The following NINL variants were observed in gnomAD, a reference collection of about 807,000 sequenced individuals.
NINL encodes the protein ninein-like protein.
A neutral mutation model predicts 160.3 loss-of-function variants in NINL; 153 were observed. That is an observed-to-expected ratio of 0.95 (90% CI 0.84 to 1.09). The LOEUF (loss-of-function observed/expected upper bound fraction) is 1.09. Ranked by LOEUF, NINL falls within the 50% of genes least tolerant of loss-of-function variation. The probability of loss-of-function intolerance (pLI) is 0.00; values close to 1 mark genes in which losing one functional copy is unlikely to be tolerated. For missense variants in NINL, 1,829 were observed against 1,764.0 expected, an observed-to-expected ratio of 1.04 and a Z score of -0.66; for synonymous variants, 800 against 734.8, an observed-to-expected ratio of 1.09 and a Z score of -1.43.
chr20:25,541,534 T>C (rs2064661943), intron 1 of NINL, among the ~76,000 whole-genome samples: 1 of 152,278 alleles, frequency 6.6e-6, no homozygotes, highest in Non-Finnish European at 1.5e-5. Flanking sequence ...CACATACTTA[T>C]ATTCATGCTA....
intron 1 of NINL, among the ~76,000 whole-genome samples, chr20:25,545,208 T>C (rs1291821535): frequency 6.6e-6 from 1 of 152,218 alleles, no homozygotes; most frequent in Non-Finnish European, 1.5e-5. Flanking sequence ...CTTGAGCTGG[T>C]GCCCAGTAAA....
intron 1 of NINL, among the ~76,000 whole-genome samples, chr20:25,537,045 G>A (rs1488034137): frequency 6.6e-6 from 1 of 152,190 alleles, no homozygotes; most frequent in Non-Finnish European, 1.5e-5. Flanking sequence ...GAAGGCAACA[G>A]AGCGGGGTAG....
intron 1 of NINL, among the ~76,000 whole-genome samples, chr20:25,557,018 A>C (rs570797463): frequency 6.6e-6 from 1 of 152,190 alleles, no homozygotes; most frequent in African/African-American, 2.4e-5. Context: ...AGTGATTGCT[A>C]ACAGGTACAG....
intron 1 of NINL, among the ~76,000 whole-genome samples, chr20:25,559,941 T>C (rs545375123): frequency 6.6e-6 from 1 of 152,010 alleles, no homozygotes; most frequent in East Asian, 1.9e-4. Context: ...TGATTGTCGA[T>C]TGATTGATTG....
chr20:25,458,458 C>G lies in NINL; in HGVS notation c.3768G>C (p.Gln1256His). 6.2e-7 allele frequency: 1 copy of G among 1,605,072 alleles called. No homozygotes were observed. The highest frequency in any genetic ancestry group is 8.5e-7 in the Non-Finnish European group (1 of 1,179,926). The change falls in exon 22 of 24, where the codon CAG (glutamine) becomes CAC (histidine). Residue 1256 changes from glutamine to histidine, a missense_variant. Transcript: ENST00000278886. ...QHLQEVRLVP[Q>H]DRVAELHRLL... is the part of the protein sequence containing the mutation. The stretch of plus-strand genomic sequence containing the variant: ...GGCGATGCAGCTCGGCCACACGGTC[C>G]TGGGGCACCAGCCGGACCTCCTGCA...
chr20:25,556,634 T>G (rs1188737857), intron 1 of NINL, among the ~76,000 whole-genome samples: 1 of 120,108 alleles, frequency 8.3e-6, no homozygotes, highest in Non-Finnish European at 1.8e-5. Flanking sequence ...CTAAATAAAT[T>G]AATTAGTAAT....
chr20:25,525,043 C>T (rs1163533318), intron 2 of NINL, among the ~76,000 whole-genome samples: 2 of 152,048 alleles, frequency 1.3e-5, no homozygotes, highest in African/African-American at 4.8e-5. Context: ...CCCAAACACA[C>T]TTCCAGGTGA....
At chr20:25,565,862 T>C (rs553012100) in intron 1 of NINL, among the ~76,000 whole-genome samples, 1 of 152,272 alleles carries the variant, frequency 6.6e-6, no homozygotes, top group South Asian at 2.1e-4. Flanking sequence ...CATGCACTCT[T>C]CCTCTCCTGT....
intron 10 of NINL, among the ~76,000 whole-genome samples, chr20:25,493,151 C>T (rs181341316): frequency 2.1e-4 from 32 of 152,256 alleles, no homozygotes; most frequent in African/African-American, 7.5e-4. Context: ...AAGGTATACA[C>T]GTGTGGACAG....
chr20:25,468,933 C>T (rs2063007067), intron 18 of NINL, among the ~76,000 whole-genome samples: 1 of 146,796 alleles, frequency 6.8e-6, no homozygotes, highest in Non-Finnish European at 1.5e-5. Flanking sequence ...CCCCACTGTC[C>T]TGTCCCTTGA....
intron 1 of NINL, among the ~76,000 whole-genome samples, chr20:25,575,107 C>T (rs1425554145): frequency 6.6e-6 from 1 of 152,086 alleles, no homozygotes; most frequent in East Asian, 1.9e-4. Flanking sequence ...GAATATAGGA[C>T]TAGCTTTTTA....
chr20:25,462,299 C>G, intron 20 of NINL, 84 bp downstream of exon 20: 1 of 1,321,426 alleles, frequency 7.6e-7, no homozygotes, highest in Non-Finnish European at 1.0e-6. Flanking sequence ...GGCTCCTCAG[C>G]GCGTGTCCTG....
At position 25,512,294 on chromosome 20, in the gene NINL, G is replaced by C. The variant is rs187238776; in HGVS notation, c.450+540C>G. ...CACTCACACTCCTAACCTCGAGGCT[G>C]TTTCAAAAAGGCTTCTTCCCTTTTC... is the stretch of plus-strand genomic sequence containing the variant. On this transcript the variant is annotated intron_variant, in intron 4 of 23. Coordinates refer to ENST00000278886, the MANE Select transcript of NINL (RefSeq NM_025176.6). Among the ~76,000 whole-genome samples the C allele has an allele frequency of 1.3e-3, 198 of 152,290 alleles. 2 individuals are homozygous for C. The highest frequency in any genetic ancestry group is 4.5e-3 in the African/African-American group (185 of 41,566).
intron 5 of NINL, among the ~76,000 whole-genome samples, chr20:25,506,782 GA>G (rs2063970788): frequency 6.6e-6 from 1 of 152,166 alleles, no homozygotes; most frequent in Admixed American, 6.5e-5. Flanking sequence ...ACACCATCAA[GA>G]AGTTGAAAAA....
chr20:25,554,379 T>C (rs796154326), intron 1 of NINL, among the ~76,000 whole-genome samples: 1 of 152,126 alleles, frequency 6.6e-6, no homozygotes, highest in South Asian at 2.1e-4. Context: ...TGGATAAAAA[T>C]GAACTTTCTG....
intron 17 of NINL, among the ~76,000 whole-genome samples, chr20:25,473,675 T>TACACACACAC (rs56359105): frequency 1.0e-3 from 141 of 137,962 alleles, no homozygotes; most frequent in African/African-American, 3.0e-3. Context: ...AATACACACA[T>TACACACACAC]ACACACACAC....
At chr20:25,573,046 C>A (rs1321760476) in intron 1 of NINL, among the ~76,000 whole-genome samples, 1 of 152,184 alleles carries the variant, frequency 6.6e-6, no homozygotes, top group African/African-American at 2.4e-5. Flanking sequence ...CCTGTAATCT[C>A]AGCACTTTGG....
intron 16 of NINL, among the ~76,000 whole-genome samples, chr20:25,477,931 T>C (rs542632564): frequency 9.7e-4 from 147 of 151,698 alleles, no homozygotes; most frequent in African/African-American, 3.2e-3. Flanking sequence ...GACGACTTTT[T>C]TTTTTTTTTG....
intron 17 of NINL, among the ~76,000 whole-genome samples, chr20:25,475,015 T>G (rs1308892889): frequency 2.0e-5 from 3 of 152,032 alleles, no homozygotes; most frequent in Non-Finnish European, 4.4e-5. Flanking sequence ...ACTCCTGACC[T>G]CAGGTGATCC....
Sources: gnomAD v4.1 joint callset for allele counts (sites outside exome capture counted in the v4.1 genomes callset) on GRCh38, gnomAD v4.1.1 for gene constraint, MANE v1.5 for transcripts, NCBI Gene and HGNC (gene_info 2026-07-23, HGNC 2026-07-21) for gene names.